Variants in SUV39H1 observed in about 807,000 individuals in gnomAD.
The protein encoded by SUV39H1 is histone-lysine N-methyltransferase SUV39H1.
For missense variants in SUV39H1, 180 were observed against 386.3 expected (o/e 0.47, Z 4.48); for synonymous variants, 141 against 150.5 (o/e 0.94, Z 0.46).
At chrX:48,699,800 C>T (rs1247635276) in intron 2 of SUV39H1, among the ~76,000 whole-genome samples, 1 of 111,101 alleles carries the variant, frequency 9.0e-6, no homozygotes. Flanking sequence ...CCGGTCTGAA[C>T]AGCTAGAAGG....
chrX:48,700,427 G>C lies in SUV39H1; in HGVS notation c.502G>C (p.Val168Leu). Residue 168 changes from valine (V) to leucine (L), a missense_variant, in exon 3 of 6, where the codon GTT (valine) becomes CTT (leucine). Transcript: ENST00000376687. ...RAFVYINEYRVGEGITLNQVA... is the reference protein window; with the variant it reads ...RAFVYINEYRLGEGITLNQVA... ...CTTCGTGTACATCAATGAGTACCGT[G>C]TTGGTGAGGGCATCACCCTCAACCA... is the stretch of plus-strand genomic sequence containing the variant. 1 of 1,212,396 alleles carries C rather than the reference G, an allele frequency of 8.2e-7. No individual in the cohort carries two copies. Among genetic ancestry groups the C allele is most frequent in the East Asian group, 3.0e-5 (1 of 33,840 alleles).
intron 1 of SUV39H1, among the ~76,000 whole-genome samples, chrX:48,698,588 C>T (rs2062464055): frequency 9.0e-6 from 1 of 111,377 alleles, no homozygotes; most frequent in South Asian, 3.7e-4. Context: ...GTCCTGAACC[C>T]AAAGCAGGTT....
Position 48,706,547 on chromosome X carries a change from A to T in SUV39H1, c.1025A>T (p.Glu342Val). Reference protein sequence around the residue: ...VYNVFIDNLDERLPRIAFFAT... With the variant: ...VYNVFIDNLDVRLPRIAFFAT... ...AACGTCTTCATAGACAACCTTGACG[A>T]GCGGCTGCCCCGCATCGCTTTCTTT... The change falls in exon 5 of 6, where the codon GAG becomes GTG. Residue 342 changes from glutamate (E) to valine (V), a missense_variant. Transcript: ENST00000376687. 8.3e-7 allele frequency: 1 copy of T among 1,206,499 alleles called. No individual in the cohort carries two copies. The highest frequency in any genetic ancestry group is 1.1e-6 in the Non-Finnish European group (1 of 892,707).
At chrX:48,706,151 G>T in intron 3 of SUV39H1, 114 bp from the exon 4 acceptor site, 2 of 994,621 alleles carry the variant, frequency 2.0e-6, no homozygotes, top group Non-Finnish European at 2.7e-6. Flanking sequence ...CACTGCCCAT[G>T]TGTGTCCACG....
At chrX:48,703,983 T>C (rs2062482867) in intron 3 of SUV39H1, among the ~76,000 whole-genome samples, 2 of 110,028 alleles carry the variant, frequency 1.8e-5, no homozygotes, top group Admixed American at 1.9e-4. Context: ...CTTTTTTTTT[T>C]TTTTTTTAGC....
intron 3 of SUV39H1, among the ~76,000 whole-genome samples, chrX:48,701,986 G>C (rs2062476630): frequency 8.9e-6 from 1 of 112,208 alleles, no homozygotes; most frequent in Non-Finnish European, 1.9e-5. Context: ...ATGACAAGGA[G>C]AGGCTCCTAC....
rs375082291 is a variant in SUV39H1 at position 48,696,780 on chromosome X, G to A, written c.-5G>A. On this transcript the variant is annotated 5_prime_UTR_variant, in exon 1 of 6. Transcript: ENST00000376687. Reference sequence around the variant, plus strand: ...AGGCCCGAATGTCGTTAGCCGTGGGGAAAGATGGCGGAAAATTTAAAAGGT... The same window carrying A: ...AGGCCCGAATGTCGTTAGCCGTGGGAAAAGATGGCGGAAAATTTAAAAGGT... 90 of 1,139,414 alleles carry A rather than the reference G, an allele frequency of 7.9e-5. No individual in the cohort carries two copies. Among genetic ancestry groups the A allele is most frequent in the Non-Finnish European group, 1.0e-4 (86 of 861,314 alleles). 93.9% of individuals were successfully genotyped at this position (1,139,414 alleles called of 1,213,427 possible).
At chrX:48,697,447 A>G (rs1557008847) in intron 1 of SUV39H1, among the ~76,000 whole-genome samples, 1 of 111,613 alleles carries the variant, frequency 9.0e-6, no homozygotes, top group East Asian at 2.8e-4. Context: ...TGAGGGGTTC[A>G]GGAGAGTCCA....
intron 1 of SUV39H1, among the ~76,000 whole-genome samples, chrX:48,698,070 T>C (rs782387122): frequency 3.7e-4 from 42 of 112,441 alleles, no homozygotes; most frequent in Non-Finnish European, 6.0e-4. Context: ...CCCAGATTGA[T>C]CATTTAAGGA....
At chrX:48,702,705 G>A (rs2062478843) in intron 3 of SUV39H1, among the ~76,000 whole-genome samples, 1 of 111,013 alleles carries the variant, frequency 9.0e-6, no homozygotes, top group African/African-American at 3.3e-5. Context: ...CTGGGCCTGA[G>A]ACTTTTCTGG....
chrX:48,699,336 A>G (rs1348973254), intron 2 of SUV39H1, among the ~76,000 whole-genome samples: 2 of 111,843 alleles, frequency 1.8e-5, no homozygotes, highest in Non-Finnish European at 3.8e-5. Flanking sequence ...AAATGTCAAT[A>G]GCTAATGGCT....
Position 48,708,798 on chromosome X carries a change from AG to A in SUV39H1, c.*1230del. The A allele has an allele frequency of 9.0e-6, 1 of 111,130 alleles. No homozygotes were observed. Among genetic ancestry groups the A allele is most frequent in the East Asian group, 2.8e-4 (1 of 3,521 alleles). 9.2% of individuals were successfully genotyped at this position (111,130 alleles called of 1,213,427 possible). ...CCCCACCCCCTGTGAGGACTTCTCT[AG>A]GAAGTCCTTCCTGACTACCTGTGCC... On this transcript the variant is annotated 3_prime_UTR_variant, in exon 6 of 6. Transcript: ENST00000376687.
At position 48,707,905 on chromosome X, in the gene SUV39H1, T is replaced by C. The variant is rs968808540; in HGVS notation, c.*335T>C. 3.3e-6 allele frequency: 1 copy of C among 306,082 alleles called. No individual in the cohort carries two copies. The highest frequency in any genetic ancestry group is 6.2e-6 in the Non-Finnish European group (1 of 160,408). The allele number at this position is 306,082 out of a possible 1,213,427, so 25.2% of individuals were successfully genotyped here. A position where few individuals can be genotyped will look rare whatever the true frequency, so the allele number is the denominator to read the frequency against. On this transcript the variant is annotated 3_prime_UTR_variant, in exon 6 of 6. Coordinates refer to ENST00000376687, the MANE Select transcript of SUV39H1 (RefSeq NM_003173.4). Reference sequence around the variant, plus strand: ...GTCCCAACCCAGCCCCAGAATATATTTGTTTTTGCACCTGCTTCTGCCTGG... The same window carrying C: ...GTCCCAACCCAGCCCCAGAATATATCTGTTTTTGCACCTGCTTCTGCCTGG...
At chrX:48,695,794 C>T (rs1245961423), upstream of SUV39H1, 1 of 1,155,807 alleles carries the variant, frequency 8.7e-7, no homozygotes, top group South Asian at 1.9e-5. Flanking sequence ...TCAGCTTCAA[C>T]GCATCAGAGG....
intron 2 of SUV39H1, 24 bp from the exon 3 acceptor site, chrX:48,700,067 C>T (rs1557009182): frequency 1.9e-5 from 21 of 1,134,376 alleles, no homozygotes; most frequent in Non-Finnish European, 2.4e-5. Flanking sequence ...ACGGTACCCC[C>T]GTCCCCCTAC....
At chrX:48,698,407 C>G (rs1557008953) in intron 1 of SUV39H1, among the ~76,000 whole-genome samples, 2 of 111,423 alleles carry the variant, frequency 1.8e-5, no homozygotes, top group African/African-American at 6.5e-5. Context: ...ACACATCTGG[C>G]CCAGGAGTTT....
chrX:48,707,745 G>A lies in SUV39H1; in HGVS notation c.*175G>A, dbSNP rs782176108. The A allele has an allele frequency of 3.5e-6, 2 of 572,672 alleles. No individual in the cohort carries two copies. The highest frequency in any genetic ancestry group is 3.6e-5 in the East Asian group (1 of 27,711). The allele number at this position is 572,672 out of a possible 1,213,427, so 47.2% of individuals were successfully genotyped here. A position where few individuals can be genotyped will look rare whatever the true frequency, so the allele number is the denominator to read the frequency against. On this transcript the variant is annotated 3_prime_UTR_variant, in exon 6 of 6. Coordinates refer to ENST00000376687, the MANE Select transcript of SUV39H1 (RefSeq NM_003173.4). ...TGGCCGTGGTGAGGACCGACTCCAG[G>A]AGTCCCCTTTCCCTGTCCCAGCCCC...
intron 3 of SUV39H1, among the ~76,000 whole-genome samples, chrX:48,703,200 A>AC (rs782819015): frequency 8.9e-6 from 1 of 112,446 alleles, no homozygotes; most frequent in Non-Finnish European, 1.9e-5. Flanking sequence ...TGTCTGGAAG[A>AC]CCAAGTTTTT....
upstream of SUV39H1, chrX:48,696,730 G>A: frequency 1.8e-6 from 2 of 1,128,439 alleles, no homozygotes; most frequent in South Asian, 4.0e-5. Flanking sequence ...ACGCCCGCGC[G>A]AGCGCTCTTC....
Sources: gnomAD v4.1 joint callset for allele counts (sites outside exome capture counted in the v4.1 genomes callset) on GRCh38, gnomAD v4.1.1 for gene constraint, MANE v1.5 for transcripts, NCBI Gene and HGNC (gene_info 2026-07-23, HGNC 2026-07-21) for gene names.